The following ALK variants were observed in gnomAD, a reference collection of about 807,000 sequenced individuals.
ALK encodes ALK receptor tyrosine kinase, also known as ALK tyrosine kinase receptor.
Under a neutral mutation model 163.1 loss-of-function variants are expected in ALK, and 74 were observed. The observed-to-expected ratio is 0.45, with a 90% confidence interval of 0.38 to 0.55. The LOEUF is 0.55. Among genes scored for constraint, ALK ranks in the 20% least tolerant of loss-of-function variants. ALK has a pLI of 0.00. For synonymous variants in ALK, 960 were observed against 843.2 expected (o/e 1.14, Z -2.40); for missense variants, 2,063 against 2,105.3 (o/e 0.98, Z 0.39).
chr2:29,471,407 G>A (rs948590850), intron 4 of ALK, among the ~76,000 whole-genome samples: 2 of 152,142 alleles, frequency 1.3e-5, no homozygotes, highest in African/African-American at 4.8e-5. Flanking sequence ...TAACAGATCG[G>A]TATGAATTAT....
Position 29,228,935 on chromosome 2 carries a change from C to G in ALK, c.2764G>C (p.Gly922Arg). Residue 922 changes from glycine to arginine, a missense_variant, in exon 16 of 29, where the codon GGA becomes CGA. Physicochemically the swap from Gly to Arg is moderately radical, Grantham distance 125. Around this residue, in one of 5 missense-constraint regions of ALK, gnomAD observed 575 missense variants for 626.6 expected, o/e 0.92. Coordinates refer to ENST00000389048, the MANE Select transcript of ALK (RefSeq NM_004304.5). ...GAGGAGCACCCCCCTCCACCCCCTC[C>G]GAAACCCCCTCTTGTCTCCCACCCC... ...KWGWETRGGFGGGGGGCSSGG... is the reference protein window; with the variant it reads ...KWGWETRGGFRGGGGGCSSGG... 1 of 1,468,858 alleles carries G rather than the reference C, an allele frequency of 6.8e-7. No homozygotes were observed. The highest frequency in any genetic ancestry group is 9.4e-7 in the Non-Finnish European group (1 of 1,067,856). 91.0% of individuals were successfully genotyped at this position (1,468,858 alleles called of 1,614,324 possible).
chr2:29,756,187 C>T (rs2541185), intron 1 of ALK, among the ~76,000 whole-genome samples: 94,613 of 152,162 alleles, frequency 0.62, 34,599 homozygotes, highest in Non-Finnish European at 0.82. Context: ...TTCTCTTCTT[C>T]CCCCTTTTCA....
chr2:29,559,133 G>C (rs1294532337), intron 3 of ALK, among the ~76,000 whole-genome samples: 1 of 152,224 alleles, frequency 6.6e-6, no homozygotes, highest in Non-Finnish European at 1.5e-5. Context: ...GTTTCTGGAA[G>C]TGCTGGATGG....
chr2:29,560,868 G>A (rs571001467), intron 3 of ALK, among the ~76,000 whole-genome samples: 24 of 151,714 alleles, frequency 1.6e-4, no homozygotes, highest in Admixed American at 3.9e-4. Flanking sequence ...CACGGCACCC[G>A]GCCCAACTCT....
At chr2:29,300,215 CAA>C (rs34928272) in intron 8 of ALK, among the ~76,000 whole-genome samples, 111,013 of 151,570 alleles carry the variant, frequency 0.73, 41,914 homozygotes, top group East Asian at 0.83. Flanking sequence ...TTGAGATGCC[CAA>C]GAGTGGAGGA....
intron 1 of ALK, among the ~76,000 whole-genome samples, chr2:29,915,850 C>T (rs999997592): frequency 6.6e-6 from 1 of 152,158 alleles, no homozygotes; most frequent in Non-Finnish European, 1.5e-5. Context: ...CCTGGATATA[C>T]AGATCGCACC....
chr2:29,743,908 A>C (rs1254319561), intron 1 of ALK, among the ~76,000 whole-genome samples: 3 of 152,038 alleles, frequency 2.0e-5, no homozygotes, highest in African/African-American at 4.8e-5. Flanking sequence ...TATGGTTCAC[A>C]TGGAGGTCTC....
intron 1 of ALK, among the ~76,000 whole-genome samples, chr2:29,768,076 G>A (rs867103077): frequency 6.6e-6 from 1 of 152,164 alleles, no homozygotes; most frequent in Non-Finnish European, 1.5e-5. Context: ...GGTGGATATC[G>A]GCTGGAGTAT....
chr2:29,680,407 A>T (rs1678028405), intron 3 of ALK, among the ~76,000 whole-genome samples: 1 of 152,110 alleles, frequency 6.6e-6, no homozygotes, highest in Non-Finnish European at 1.5e-5. Flanking sequence ...TGAAAAATTT[A>T]TACTGGCTTG....
At chr2:29,496,607 C>A (rs1478020565) in intron 4 of ALK, among the ~76,000 whole-genome samples, 2 of 152,080 alleles carry the variant, frequency 1.3e-5, no homozygotes, top group Non-Finnish European at 2.9e-5. Context: ...TCTAATATGA[C>A]CTTCTCCTAG....
chr2:29,557,815 AG>A (rs1401963570), intron 3 of ALK, among the ~76,000 whole-genome samples: 1 of 152,166 alleles, frequency 6.6e-6, no homozygotes, highest in Non-Finnish European at 1.5e-5. Context: ...TTGAGATTTT[AG>A]GGTGTGGGTT....
chr2:29,740,571 T>C (rs983461995), intron 1 of ALK, among the ~76,000 whole-genome samples: 24 of 152,238 alleles, frequency 1.6e-4, no homozygotes, highest in Non-Finnish European at 2.9e-5. Flanking sequence ...CATTAGATTC[T>C]GAATGGTTAT....
chr2:29,755,728 C>G (rs559050072), intron 1 of ALK, among the ~76,000 whole-genome samples: 16 of 152,172 alleles, frequency 1.1e-4, no homozygotes, highest in Non-Finnish European at 2.1e-4. Context: ...GAGATTGAGG[C>G]TCATAGAGCT....
At chr2:29,755,337 T>G (rs1382367080) in intron 1 of ALK, among the ~76,000 whole-genome samples, 3 of 152,192 alleles carry the variant, frequency 2.0e-5, no homozygotes, top group South Asian at 2.1e-4. Context: ...AGCTCTAGAG[T>G]GTCAAACATC....
At chr2:29,798,300 G>T (rs935724966) in intron 1 of ALK, among the ~76,000 whole-genome samples, 4 of 152,084 alleles carry the variant, frequency 2.6e-5, no homozygotes, top group African/African-American at 9.7e-5. Context: ...TTCCATTTTG[G>T]GAAAGCCAAG....
intron 3 of ALK, among the ~76,000 whole-genome samples, chr2:29,626,022 G>A (rs1676184436): frequency 6.6e-6 from 1 of 152,178 alleles, no homozygotes; most frequent in South Asian, 2.1e-4. Flanking sequence ...TTCAGCTCAG[G>A]AAACAACCCA....
chr2:29,542,808 A>G (rs1673447967), intron 3 of ALK, among the ~76,000 whole-genome samples: 1 of 152,248 alleles, frequency 6.6e-6, no homozygotes, highest in South Asian at 2.1e-4. Flanking sequence ...GATCTGTACA[A>G]AAATTTATCC....
intron 1 of ALK, among the ~76,000 whole-genome samples, chr2:29,765,865 T>A (rs1344179439): frequency 1.3e-5 from 2 of 152,218 alleles, no homozygotes; most frequent in Non-Finnish European, 2.9e-5. Context: ...CCACTTGGCT[T>A]ATTTCATGCT....
chr2:29,913,626 T>C (rs1667761446), intron 1 of ALK, among the ~76,000 whole-genome samples: 1 of 152,226 alleles, frequency 6.6e-6, no homozygotes, highest in African/African-American at 2.4e-5. Flanking sequence ...GATGTTCATG[T>C]GCATCTTTTG....
Sources: gnomAD v4.1 joint callset for allele counts (sites outside exome capture counted in the v4.1 genomes callset) on GRCh38, gnomAD v4.1.1 for gene constraint, gnomAD v4.1.1 regional missense constraint, MANE v1.5 for transcripts, NCBI Gene and HGNC (gene_info 2026-07-23, HGNC 2026-07-21) for gene names.